Variants in ZNF804B observed in about 807,000 individuals in gnomAD.
ZNF804B encodes zinc finger 804B.
Under a neutral mutation model 101.4 loss-of-function variants are expected in ZNF804B, and 80 were observed. The ratio of observed to expected loss-of-function variants is 0.79; its 90% confidence interval spans 0.66 to 0.95. The LOEUF is 0.95. Among genes scored for constraint, ZNF804B ranks in the 40% least tolerant of loss-of-function variants. The pLI is 0.00. For synonymous variants in ZNF804B, 622 were observed against 558.8 expected, an observed-to-expected ratio of 1.11 and a Z score of -1.59; for missense variants, 1,673 against 1,561.9, an observed-to-expected ratio of 1.07 and a Z score of -1.20.
intron 1 of ZNF804B, among the ~76,000 whole-genome samples, chr7:88,952,593 G>C (rs1489500334): frequency 6.6e-6 from 1 of 151,746 alleles, no homozygotes; most frequent in East Asian, 2.0e-4. Context: ...TACAGAAGGG[G>C]AAAGACCTTC....
chr7:88,914,515 G>A (rs7786490), intron 1 of ZNF804B, among the ~76,000 whole-genome samples: 70,215 of 151,562 alleles, frequency 0.46, 18,433 homozygotes, highest in African/African-American at 0.72. Flanking sequence ...TCATTCCCTC[G>A]CGTATTTTAG....
chr7:88,912,608 A>G (rs989326879), intron 1 of ZNF804B, among the ~76,000 whole-genome samples: 1 of 152,092 alleles, frequency 6.6e-6, no homozygotes, highest in Non-Finnish European at 1.5e-5. Context: ...GCCAAAGCAT[A>G]TTTATCTCCA....
At chr7:89,107,183 T>G (rs1790148091) in intron 1 of ZNF804B, among the ~76,000 whole-genome samples, 1 of 152,160 alleles carries the variant, frequency 6.6e-6, no homozygotes, top group Non-Finnish European at 1.5e-5. Context: ...TCATAAAGTT[T>G]TAGATTATAA....
intron 1 of ZNF804B, among the ~76,000 whole-genome samples, chr7:88,811,105 C>T (rs1790778464): frequency 6.6e-6 from 1 of 151,726 alleles, no homozygotes. Context: ...GTTTTGTTAT[C>T]AGAAACAGTT....
At chr7:88,906,192 G>A (rs559932597) in intron 1 of ZNF804B, among the ~76,000 whole-genome samples, 22 of 151,882 alleles carry the variant, frequency 1.4e-4, no homozygotes, top group East Asian at 1.9e-4. Context: ...TCTATCAACC[G>A]TTTTTGTTCT....
intron 1 of ZNF804B, among the ~76,000 whole-genome samples, chr7:89,015,990 C>T (rs1788549374): frequency 6.6e-6 from 1 of 152,266 alleles, no homozygotes; most frequent in East Asian, 1.9e-4. Flanking sequence ...ACATCCTCTC[C>T]AGCACCTGTT....
chr7:89,300,726 T>C (rs1790459010), intron 2 of ZNF804B, among the ~76,000 whole-genome samples: 1 of 151,940 alleles, frequency 6.6e-6, no homozygotes, highest in Non-Finnish European at 1.5e-5. Context: ...ATGTGTGATA[T>C]CACAGACCAT....
intron 1 of ZNF804B, among the ~76,000 whole-genome samples, chr7:88,933,888 T>G (rs1221200690): frequency 6.6e-6 from 1 of 150,870 alleles, no homozygotes; most frequent in East Asian, 2.0e-4. Context: ...CCATCATCAT[T>G]CTTCACAGAA....
intron 1 of ZNF804B, among the ~76,000 whole-genome samples, chr7:89,156,000 T>TTTCC (rs1562899593): frequency 7.7e-6 from 1 of 129,552 alleles, no homozygotes; most frequent in East Asian, 2.1e-4. Flanking sequence ...TCCTTCTTTC[T>TTTCC]TTCTTTCTTT....
At chr7:88,850,058 A>G (rs937590354) in intron 1 of ZNF804B, among the ~76,000 whole-genome samples, 21 of 152,304 alleles carry the variant, frequency 1.4e-4, no homozygotes, top group African/African-American at 4.8e-4. Context: ...AAGAAATTCT[A>G]TATCAGATAA....
intron 1 of ZNF804B, among the ~76,000 whole-genome samples, chr7:88,996,469 T>A (rs991576859): frequency 3.3e-5 from 5 of 152,100 alleles, no homozygotes; most frequent in Non-Finnish European, 5.9e-5. Context: ...CTCTGACACA[T>A]CTTAATGAAC....
chr7:89,333,592 C>T lies in ZNF804B; in HGVS notation c.610C>T (p.Leu204=), dbSNP rs1260815456. 1 of 1,613,458 alleles carries T rather than the reference C, an allele frequency of 6.2e-7. No individual in the cohort carries two copies. The change falls in exon 4 of 4, where the codon CTG becomes TTG. Residue 204 remains leucine (L), a synonymous_variant. Coordinates refer to ENST00000333190, the MANE Select transcript of ZNF804B (RefSeq NM_181646.5). ...DRRCLFGNQV[L]QTSSDLSNAN... ...GCGTTGTTTGTTTGGAAATCAGGTA[C>T]TGCAAACATCTTCAGATCTCAGCAA...
intron 1 of ZNF804B, among the ~76,000 whole-genome samples, chr7:88,992,145 G>C (rs1407719459): frequency 6.6e-6 from 1 of 152,112 alleles, no homozygotes; most frequent in African/African-American, 2.4e-5. Context: ...CGGCTTAAAT[G>C]GTGCTAAAGA....
At chr7:89,250,664 T>C (rs1307929530) in intron 2 of ZNF804B, among the ~76,000 whole-genome samples, 4 of 152,134 alleles carry the variant, frequency 2.6e-5, no homozygotes, top group Admixed American at 1.3e-4. Context: ...CCAATATCCC[T>C]GATGAACACA....
intron 1 of ZNF804B, among the ~76,000 whole-genome samples, chr7:88,853,300 G>A (rs1170306785): frequency 6.6e-6 from 1 of 152,090 alleles, no homozygotes; most frequent in East Asian, 1.9e-4. Flanking sequence ...GGGTGAATAA[G>A]GAGGAACACA....
intron 1 of ZNF804B, among the ~76,000 whole-genome samples, chr7:88,898,107 GATAGAGTCTCA>G (rs1562826133): frequency 1.4e-5 from 1 of 72,268 alleles, no homozygotes; most frequent in East Asian, 4.4e-4. Flanking sequence ...TTTTTTTTGA[GATAGAGTCTCA>G]CTCTGTAGCC....
chr7:89,267,856 A>G (rs1789824545), intron 2 of ZNF804B, among the ~76,000 whole-genome samples: 1 of 152,142 alleles, frequency 6.6e-6, no homozygotes, highest in South Asian at 2.1e-4. Flanking sequence ...ATTTGGAGAG[A>G]TTAAAAATCT....
Position 89,310,970 on chromosome 7 carries a change from AT to A in ZNF804B, c.250-16361del, listed in dbSNP as rs59813307. Among the ~76,000 whole-genome samples, 955 of 149,604 alleles carry A rather than the reference AT, an allele frequency of 6.4e-3. 12 individuals are homozygous for A. Among genetic ancestry groups the A allele is most frequent in the African/African-American group, 0.021 (857 of 40,818 alleles). On this transcript the variant is annotated intron_variant, in intron 2 of 3. Coordinates refer to ENST00000333190, the MANE Select transcript of ZNF804B (RefSeq NM_181646.5). Reference sequence around the variant, plus strand: ...AGGTTTGCTAAAGGATTCTCTTAAGATTTTTTTTTTTTTAATTTTTGGGGCC... The same window carrying A: ...AGGTTTGCTAAAGGATTCTCTTAAGATTTTTTTTTTTTAATTTTTGGGGCC...
intron 1 of ZNF804B, among the ~76,000 whole-genome samples, chr7:89,207,429 C>T (rs1460609070): frequency 1.3e-5 from 2 of 152,132 alleles, no homozygotes; most frequent in Admixed American, 6.5e-5. Context: ...TCTCATGAGA[C>T]TTATTCACTA....
Sources: allele counts gnomAD v4.1 joint callset (sites outside exome capture counted in the v4.1 genomes callset), GRCh38; gene constraint gnomAD v4.1.1; transcripts MANE v1.5; gene names NCBI Gene and HGNC (gene_info 2026-07-23, HGNC 2026-07-21).